The following LRP6 variants were observed in gnomAD, a reference collection of about 807,000 sequenced individuals.
LRP6 encodes the protein low-density lipoprotein receptor-related protein 6.
In LRP6, 43 loss-of-function variants were observed where a neutral mutation model predicts 184.1. The ratio of observed to expected loss-of-function variants is 0.23; its 90% CI spans 0.18 to 0.30. The LOEUF (loss-of-function observed/expected upper bound fraction) is 0.30, where lower values mean the gene tolerates loss of function less well. LRP6 is among the 10% of genes least tolerant of loss of function. The probability of loss-of-function intolerance (pLI) is 1.00; values close to 1 mark genes in which losing one functional copy is unlikely to be tolerated. For synonymous variants in LRP6, 719 were observed against 684.9 expected, an observed-to-expected ratio of 1.05 and a Z score of -0.78; for missense variants, 1,571 against 2,005.3, an observed-to-expected ratio of 0.78 and a Z score of 4.14.
At chr12:12,161,951 A>AC (rs142019335) in intron 10 of LRP6, among the ~76,000 whole-genome samples, 1 of 6,494 alleles carries the variant, frequency 1.5e-4, no homozygotes, top group Non-Finnish European at 4.7e-4. Flanking sequence ...CATCAGTAAC[A>AC]TTTATTAACC....
chr12:12,235,743 A>G (rs1315188723), intron 2 of LRP6, among the ~76,000 whole-genome samples: 1 of 151,778 alleles, frequency 6.6e-6, no homozygotes, highest in African/African-American at 2.4e-5. Flanking sequence ...AAAAAAAAAG[A>G]AAAAGAAAAA....
At chr12:12,176,247 G>C (rs1225499320) in intron 7 of LRP6, among the ~76,000 whole-genome samples, 1 of 152,076 alleles carries the variant, frequency 6.6e-6, no homozygotes, top group African/African-American at 2.4e-5. Context: ...AAGTAAACTA[G>C]GTTTGTCCAC....
intron 1 of LRP6, among the ~76,000 whole-genome samples, chr12:12,263,557 A>AG (rs1243844078): frequency 2.1e-4 from 31 of 151,094 alleles, no homozygotes; most frequent in Middle Eastern, 3.2e-3. Flanking sequence ...TCTCAAAAAA[A>AG]AAAAAAAGAA....
At chr12:12,159,993 T>C (rs760806978) in intron 10 of LRP6, 29 bp from the exon 11 acceptor site, 2 of 1,495,036 alleles carry the variant, frequency 1.3e-6, no homozygotes, top group East Asian at 4.8e-5. Context: ...ATATTTAACA[T>C]TTCAATTTTT....
In LRP6 at chr12:12,228,363, C is replaced by CA. The variant is rs553539541; in HGVS notation, c.449+15898dup. Among the ~76,000 whole-genome samples the CA allele has an allele frequency of 2.5e-3, 369 of 145,534 alleles. 1 individual carries two copies. The highest frequency in any genetic ancestry group is 8.7e-3 in the African/African-American group (343 of 39,578). On this transcript the variant is annotated intron_variant, in intron 2 of 22. Coordinates refer to ENST00000261349, the MANE Select transcript of LRP6 (RefSeq NM_002336.3). ...TAGGTGACACAGCGAGGCTCCATCT[C>CA]AAAAAAAAAAGAAAGAGAACCTAAC...
intron 3 of LRP6, among the ~76,000 whole-genome samples, chr12:12,192,420 CA>C (rs1863642749): frequency 6.6e-6 from 1 of 150,380 alleles, no homozygotes; most frequent in South Asian, 2.1e-4. Flanking sequence ...GACATAAGCC[CA>C]ACCATATCAT....
chr12:12,203,472 T>G, intron 2 of LRP6, 72 bp from the exon 3 acceptor site: 2 of 1,313,378 alleles, frequency 1.5e-6, no homozygotes, highest in South Asian at 2.4e-5. Context: ...TTATTACTAT[T>G]AAAGAAAGCT....
rs751325508 is a variant in LRP6, at chr12:12,181,425, A to G, written c.991T>C (p.Leu331=). Residue 331 remains leucine, a synonymous_variant, in exon 6 of 23, where the codon TTG becomes CTG. Coordinates refer to ENST00000261349, the MANE Select transcript of LRP6 (RefSeq NM_002336.3). ...AAGTCTGTCCTTCGAGCTAAAAGCA[A>G]TAATTCTGTGGCACCTAGAACAACA... is the stretch of plus-strand genomic sequence containing the variant. ...KTCKDGATEL[L]LLARRTDLRR... 3 of 1,297,950 alleles carry G rather than the reference A, an allele frequency of 2.3e-6. No individual in the cohort carries two copies. The highest frequency in any genetic ancestry group is 2.4e-5 in the South Asian group (2 of 84,926). 80.4% of individuals were successfully genotyped at this position (1,297,950 alleles called of 1,614,324 possible).
At chr12:12,151,450 A>T (rs1227711946) in intron 12 of LRP6, among the ~76,000 whole-genome samples, 1 of 151,652 alleles carries the variant, frequency 6.6e-6, no homozygotes, top group African/African-American at 2.4e-5. Context: ...GACTGATTTT[A>T]CACTTGACAG....
intron 1 of LRP6, among the ~76,000 whole-genome samples, chr12:12,265,321 T>C (rs1865729266): frequency 1.3e-5 from 2 of 152,204 alleles, no homozygotes; most frequent in African/African-American, 2.4e-5. Context: ...TGGGAAAACT[T>C]TGTAATATGC....
rs1864606653 is a variant in LRP6 at position 12,225,779 on chromosome 12, G to A, written c.449+18483C>T. Among the ~76,000 whole-genome samples the A allele has an allele frequency of 2.0e-5, 3 of 151,898 alleles. No homozygotes were observed. In the East Asian group the frequency reaches 5.8e-4, roughly 29 times the overall value. On this transcript the variant is annotated intron_variant, in intron 2 of 22. Transcript: ENST00000261349. ...CCCAGCTACTCAGGAGGCAGAAGCA[G>A]GAGAATCGCTTGAACCCGGGAGGCA... is the stretch of plus-strand genomic sequence containing the variant.
intron 1 of LRP6, among the ~76,000 whole-genome samples, chr12:12,251,939 G>A (rs956713469): frequency 6.6e-6 from 1 of 152,114 alleles, no homozygotes; most frequent in Non-Finnish European, 1.5e-5. Context: ...GCACAATCAT[G>A]GCTCATTGCA....
At chr12:12,262,254 C>T (rs1591997463) in intron 1 of LRP6, among the ~76,000 whole-genome samples, 1 of 152,158 alleles carries the variant, frequency 6.6e-6, no homozygotes, top group South Asian at 2.1e-4. Flanking sequence ...TGGTGTGAGC[C>T]TGTGGTCCCA....
intron 12 of LRP6, among the ~76,000 whole-genome samples, chr12:12,154,505 T>C (rs1950125066): frequency 6.6e-6 from 1 of 152,252 alleles, no homozygotes. Flanking sequence ...GCTGAAGTAA[T>C]GCGCAGCATG....
intron 2 of LRP6, among the ~76,000 whole-genome samples, chr12:12,240,996 C>G (rs975915064): frequency 2.6e-5 from 4 of 152,186 alleles, no homozygotes; most frequent in African/African-American, 9.7e-5. Flanking sequence ...AAAAAAATCT[C>G]AGACTAATAT....
In LRP6 at chr12:12,254,533, C is replaced by T. The variant is rs143856399; in HGVS notation, c.56-9878G>A. Among the ~76,000 whole-genome samples the T allele has an allele frequency of 2.6e-5, 4 of 152,246 alleles. 1 individual carries two copies. Among genetic ancestry groups the T allele is most frequent in the African/African-American group, 9.6e-5 (4 of 41,536 alleles). On this transcript the variant is annotated intron_variant, in intron 1 of 22. Coordinates refer to ENST00000261349, the MANE Select transcript of LRP6 (RefSeq NM_002336.3). Reference sequence around the variant, plus strand: ...AATAAACACTTATCTTTTTCTCCCCCGTCTTACTCCTCCAGAATTCAAAAA... The same window carrying T: ...AATAAACACTTATCTTTTTCTCCCCTGTCTTACTCCTCCAGAATTCAAAAA...
At chr12:12,147,012 C>T (rs12318846) in intron 15 of LRP6, among the ~76,000 whole-genome samples, 8,588 of 152,098 alleles carry the variant, frequency 0.056, 807 homozygotes, top group African/African-American at 0.2. Flanking sequence ...ATTAGCTGGG[C>T]GCAGTGGCAG....
At chr12:12,250,855 C>G (rs147464915) in intron 1 of LRP6, among the ~76,000 whole-genome samples, 4 of 152,026 alleles carry the variant, frequency 2.6e-5, no homozygotes, top group Non-Finnish European at 4.4e-5. Flanking sequence ...CTCCTAACTT[C>G]AAATGATCCA....
chr12:12,184,198 C>T, intron 4 of LRP6, 87 bp from the exon 5 acceptor site: 1 of 1,119,268 alleles, frequency 8.9e-7, no homozygotes, highest in South Asian at 1.3e-5. Context: ...CTGTGATAAG[C>T]CAAAATTATT....
Sources: gnomAD v4.1 joint callset for allele counts (sites outside exome capture counted in the v4.1 genomes callset) on GRCh38, gnomAD v4.1.1 for gene constraint, MANE v1.5 for transcripts, NCBI Gene and HGNC (gene_info 2026-07-23, HGNC 2026-07-21) for gene names.